RUNX1: variants seen among roughly 807,000 people sequenced by gnomAD.
RUNX1 encodes RUNX family transcription factor 1, also known as runt-related transcription factor 1.
RUNX1 carries 19 observed loss-of-function variants against 42.8 expected under a neutral mutation model. The ratio of observed to expected loss-of-function variants is 0.44; its 90% confidence interval spans 0.31 to 0.65. The LOEUF (loss-of-function observed/expected upper bound fraction) is 0.65, where lower values mean the gene tolerates loss of function less well. Ranked by LOEUF, RUNX1 falls within the 30% of genes least tolerant of loss-of-function variation. The pLI is 0.07. For synonymous variants in RUNX1, 271 were observed against 289.4 expected, an observed-to-expected ratio of 0.94 and a Z score of 0.64; for missense variants, 528 against 672.0, an observed-to-expected ratio of 0.79 and a Z score of 2.37.
chr21:34,993,965 T>G (rs2058973614), intron 2 of RUNX1, among the ~76,000 whole-genome samples: 2 of 152,220 alleles, frequency 1.3e-5, no homozygotes, highest in African/African-American at 4.8e-5. Context: ...AAAAGCAGAT[T>G]TTTTCATATC....
intron 7 of RUNX1, among the ~76,000 whole-genome samples, chr21:34,815,439 T>C (rs2056812341): frequency 6.6e-6 from 1 of 152,132 alleles, no homozygotes; most frequent in Non-Finnish European, 1.5e-5. Context: ...ATGGCAGCAC[T>C]GAAACGCTCC....
At chr21:34,845,990 T>C (rs142224309) in intron 6 of RUNX1, among the ~76,000 whole-genome samples, 23 of 152,190 alleles carry the variant, frequency 1.5e-4, no homozygotes, top group African/African-American at 4.3e-4. Flanking sequence ...GGGCAGGTAA[T>C]GCAGAATAGC....
chr21:34,888,027 T>C, intron 3 of RUNX1: 1 of 1,066,228 alleles, frequency 9.4e-7, no homozygotes, highest in South Asian at 4.5e-5. Flanking sequence ...TTGGGGATGT[T>C]GGTTAAGTTT....
chr21:34,877,911 C>T (rs556310388), intron 5 of RUNX1, among the ~76,000 whole-genome samples: 2 of 152,268 alleles, frequency 1.3e-5, no homozygotes, highest in South Asian at 4.1e-4. Flanking sequence ...AGACTGGTGG[C>T]TTTTGACAGA....
At chr21:35,045,578 T>C (rs763255137) in intron 2 of RUNX1, among the ~76,000 whole-genome samples, 1 of 152,090 alleles carries the variant, frequency 6.6e-6, no homozygotes, top group Non-Finnish European at 1.5e-5. Flanking sequence ...GGGAGCTGTC[T>C]GCAAAACCAA....
At chr21:34,816,224 G>GA (rs1273560228) in intron 7 of RUNX1, among the ~76,000 whole-genome samples, 3 of 152,216 alleles carry the variant, frequency 2.0e-5, no homozygotes, top group African/African-American at 7.2e-5. Context: ...CAGGAGCAAG[G>GA]AAAAATCCTT....
intron 2 of RUNX1, 49 bp downstream of exon 2, chr21:35,048,793 C>T (rs780182718): frequency 6.6e-7 from 1 of 1,507,782 alleles, no homozygotes; most frequent in Non-Finnish European, 9.2e-7. Flanking sequence ...CATTTCATTA[C>T]AGGCAAAGCT....
chr21:34,957,167 T>A (rs1348796079), intron 2 of RUNX1, among the ~76,000 whole-genome samples: 1 of 152,176 alleles, frequency 6.6e-6, no homozygotes, highest in Non-Finnish European at 1.5e-5. Context: ...GGAGAGAAAC[T>A]CTGACTTGGC....
intron 3 of RUNX1, chr21:34,887,351 T>G: frequency 1.4e-6 from 2 of 1,435,988 alleles, no homozygotes; most frequent in Non-Finnish European, 1.8e-6. Context: ...GATGGGCTCC[T>G]AGCAACCGAT....
intron 3 of RUNX1, chr21:34,887,409 G>A (rs1289363727): frequency 2.2e-6 from 3 of 1,388,436 alleles, no homozygotes; most frequent in African/African-American, 1.5e-5. Context: ...AATCTTGCTT[G>A]CAGAGGTTAA....
intron 4 of RUNX1, among the ~76,000 whole-genome samples, chr21:34,885,627 G>A (rs2057972244): frequency 1.3e-5 from 2 of 152,220 alleles, no homozygotes; most frequent in South Asian, 4.1e-4. Context: ...AAAAATAACC[G>A]CAACAATACT....
chr21:34,821,321 G>A, intron 7 of RUNX1: 1 of 1,147,952 alleles, frequency 8.7e-7, no homozygotes, highest in South Asian at 3.6e-5. Flanking sequence ...AGTATTGAAA[G>A]TGTACCGGGA....
intron 7 of RUNX1, among the ~76,000 whole-genome samples, chr21:34,802,927 A>C (rs1009819834): frequency 6.6e-6 from 1 of 152,220 alleles, no homozygotes; most frequent in Non-Finnish European, 1.5e-5. Context: ...ATGGAAAGCA[A>C]GTATCACAAT....
chr21:34,860,185 T>C (rs2248734), intron 5 of RUNX1, among the ~76,000 whole-genome samples: 37,040 of 152,202 alleles, frequency 0.24, 5,062 homozygotes, highest in Middle Eastern at 0.39. Flanking sequence ...CTTAAGTATA[T>C]GTAACTGACA....
intron 6 of RUNX1, among the ~76,000 whole-genome samples, chr21:34,842,365 C>A (rs1356378531): frequency 6.6e-6 from 1 of 151,556 alleles, no homozygotes; most frequent in South Asian, 2.1e-4. Flanking sequence ...CATGGTGGCG[C>A]GCACCTGTAG....
At chr21:34,863,442 A>G (rs2251826) in intron 5 of RUNX1, among the ~76,000 whole-genome samples, 91,136 of 152,084 alleles carry the variant, frequency 0.6, 29,423 homozygotes, top group African/African-American at 0.83. Flanking sequence ...ATGACACCCC[A>G]TCTGGTAAAC....
intron 4 of RUNX1, among the ~76,000 whole-genome samples, chr21:34,883,018 A>G (rs1307451644): frequency 6.6e-6 from 1 of 152,202 alleles, no homozygotes; most frequent in Non-Finnish European, 1.5e-5. Context: ...AACTACAGGA[A>G]TGTATTCTGA....
chr21:34,944,270 T>C (rs946091399), intron 2 of RUNX1, among the ~76,000 whole-genome samples: 2 of 152,194 alleles, frequency 1.3e-5, no homozygotes, highest in Non-Finnish European at 2.9e-5. Context: ...GGCCTCCTAA[T>C]GTGCTGGGAT....
chr21:34,887,358 C>A, intron 3 of RUNX1: 1 of 1,433,208 alleles, frequency 7.0e-7, no homozygotes, highest in Non-Finnish European at 9.1e-7. Context: ...TCCTAGCAAC[C>A]GATTGCTTAG....
Sources: gnomAD v4.1 joint callset for allele counts (sites outside exome capture counted in the v4.1 genomes callset) on GRCh38, gnomAD v4.1.1 for gene constraint, MANE v1.5 for transcripts, NCBI Gene and HGNC (gene_info 2026-07-23, HGNC 2026-07-21) for gene names.